Variants in SFMBT2 observed in about 807,000 individuals in gnomAD.
SFMBT2 encodes Scm like with four mbt domains 2, also known as scm-like with four MBT domains protein 2.
SFMBT2 carries 38 observed loss-of-function variants against 110.1 expected under a neutral mutation model. The ratio of observed to expected loss-of-function variants is 0.35; its 90% CI spans 0.27 to 0.45. The LOEUF (loss-of-function observed/expected upper bound fraction) is 0.45. SFMBT2 is among the 20% of genes least tolerant of loss of function. The probability of loss-of-function intolerance (pLI) is 1.00; values close to 1 mark genes in which losing one functional copy is unlikely to be tolerated. For synonymous variants in SFMBT2, 425 were observed against 425.4 expected, an observed-to-expected ratio of 1.00 and a Z score of 0.01; for missense variants, 1,011 against 1,094.9, an observed-to-expected ratio of 0.92 and a Z score of 1.08.
intron 7 of SFMBT2, among the ~76,000 whole-genome samples, chr10:7,252,955 G>A (rs185141756): frequency 1.3e-5 from 2 of 152,302 alleles, no homozygotes; most frequent in Non-Finnish European, 2.9e-5. Context: ...CACCCACTAG[G>A]GAGGGGAGAA....
intron 16 of SFMBT2, among the ~76,000 whole-genome samples, chr10:7,180,511 G>A (rs1588772141): frequency 6.6e-6 from 1 of 152,102 alleles, no homozygotes; most frequent in African/African-American, 2.4e-5. Flanking sequence ...GACTGACTGT[G>A]GAGGAGGTAA....
chr10:7,186,251 A>T (rs1393206626), intron 16 of SFMBT2, among the ~76,000 whole-genome samples: 1 of 151,996 alleles, frequency 6.6e-6, no homozygotes, highest in African/African-American at 2.4e-5. Flanking sequence ...CAGAAATCCT[A>T]GATGCCAAAT....
At chr10:7,287,859 T>C (rs1208152309) in intron 4 of SFMBT2, among the ~76,000 whole-genome samples, 1 of 152,170 alleles carries the variant, frequency 6.6e-6, no homozygotes, top group African/African-American at 2.4e-5. Context: ...TGACTTTGAA[T>C]AATTTACTCA....
At chr10:7,257,123 G>GAGGGGAGGGGAGGGGAGGGAAAAGA (rs1288833965) in intron 7 of SFMBT2, among the ~76,000 whole-genome samples, 5 of 129,232 alleles carry the variant, frequency 3.9e-5, no homozygotes, top group Non-Finnish European at 8.8e-5. Flanking sequence ...GAGGGGAGGG[G>GAGGGGAGGGGAGGGGAGGGAAAAGA]AAAGAAAAGA....
At chr10:7,273,667 C>T (rs945326700) in intron 7 of SFMBT2, among the ~76,000 whole-genome samples, 6 of 152,152 alleles carry the variant, frequency 3.9e-5, no homozygotes, top group African/African-American at 1.4e-4. Context: ...AACCCTGTGT[C>T]CAAGTGTTCT....
chr10:7,385,477 G>T (rs2255160), intron 1 of SFMBT2, among the ~76,000 whole-genome samples: 143,908 of 152,266 alleles, frequency 0.95, 68,088 homozygotes, highest in East Asian at 1. Context: ...ACTGAAACAC[G>T]TGGAGCAAAC....
chr10:7,392,783 C>T (rs1845804265), intron 1 of SFMBT2, among the ~76,000 whole-genome samples: 1 of 151,434 alleles, frequency 6.6e-6, no homozygotes, highest in Non-Finnish European at 1.5e-5. Context: ...AAAGGTCTTC[C>T]CCTACCCTAA....
intron 16 of SFMBT2, among the ~76,000 whole-genome samples, chr10:7,178,421 T>C (rs1416241746): frequency 6.6e-6 from 1 of 152,226 alleles, no homozygotes; most frequent in African/African-American, 2.4e-5. Context: ...ACTGATTTTA[T>C]ATATGGGAAT....
intron 9 of SFMBT2, among the ~76,000 whole-genome samples, chr10:7,228,672 C>CTTCTTTCTTTCTTTCT (rs60421208): frequency 5.9e-5 from 5 of 84,996 alleles, no homozygotes; most frequent in Admixed American, 1.3e-4. Context: ...ACTAAAGTGG[C>CTTCTTTCTTTCTTTCT]TTCTTTCTTT....
intron 4 of SFMBT2, chr10:7,320,597 A>G: frequency 4.1e-6 from 4 of 985,308 alleles, no homozygotes; most frequent in Non-Finnish European, 3.6e-6. Flanking sequence ...ACCTGCTGAG[A>G]GCCAATATAT....
intron 7 of SFMBT2, among the ~76,000 whole-genome samples, chr10:7,273,371 T>A (rs1841662566): frequency 6.6e-6 from 1 of 152,234 alleles, no homozygotes; most frequent in Non-Finnish European, 1.5e-5. Flanking sequence ...GATGAGAACA[T>A]TCATTCCACT....
intron 9 of SFMBT2, among the ~76,000 whole-genome samples, chr10:7,230,017 CTATA>C (rs57822891): frequency 0.017 from 2,555 of 148,506 alleles, 67 homozygotes; most frequent in African/African-American, 0.06. Context: ...CCGCCCAGCC[CTATA>C]TATATATATA....
At chr10:7,327,260 G>T (rs2131949802) in intron 4 of SFMBT2, among the ~76,000 whole-genome samples, 1 of 151,810 alleles carries the variant, frequency 6.6e-6, no homozygotes, top group East Asian at 1.9e-4. Context: ...TAGGTATATA[G>T]TTTTATGAAT....
chr10:7,372,859 C>A (rs1043458452), intron 2 of SFMBT2, among the ~76,000 whole-genome samples: 2 of 152,194 alleles, frequency 1.3e-5, no homozygotes, highest in African/African-American at 2.4e-5. Flanking sequence ...CCTTGTCTGG[C>A]CTCAGCTTGA....
chr10:7,163,151 C>CAAACG lies in SFMBT2; in HGVS notation c.*618_*619insCGTTT, dbSNP rs1837595476. The CAAACG allele has an allele frequency of 9.5e-6, 1 of 105,696 alleles. No homozygotes were observed. Among genetic ancestry groups the CAAACG allele is most frequent in the Non-Finnish European group, 2.2e-5 (1 of 45,326 alleles). The allele number at this position is 105,696 out of a possible 1,614,324, so 6.5% of individuals were successfully genotyped here. On this transcript the variant is annotated 3_prime_UTR_variant, in exon 21 of 21. Coordinates refer to ENST00000397167, the MANE Select transcript of SFMBT2 (RefSeq NM_001387889.1). The surrounding 1 kb of genome is among the most constrained non-coding windows in gnomAD (Gnocchi z 4.8). ...CAAACAAACAAACAAACAAACAAAC[C>CAAACG]ATCTAGTTGCATGGAGATGCCTGCC...
At chr10:7,387,376 T>A in intron 1 of SFMBT2, among the ~76,000 whole-genome samples, 1 of 152,248 alleles carries the variant, frequency 6.6e-6, no homozygotes, top group Middle Eastern at 3.4e-3. Flanking sequence ...AGACACCACG[T>A]TGGGCACTGG....
chr10:7,288,749 G>A (rs546676348), intron 4 of SFMBT2, among the ~76,000 whole-genome samples: 25 of 152,160 alleles, frequency 1.6e-4, no homozygotes, highest in African/African-American at 4.6e-4. Context: ...TAGAAACAGC[G>A]GCCAGGTGCG....
intron 1 of SFMBT2, among the ~76,000 whole-genome samples, chr10:7,391,594 T>C (rs1845768313): frequency 1.3e-5 from 2 of 152,232 alleles, no homozygotes; most frequent in South Asian, 4.1e-4. Context: ...TTGCAAACGA[T>C]GTGTCCCACT....
intron 9 of SFMBT2, 122 bp downstream of exon 9, chr10:7,243,436 T>C: frequency 1.4e-6 from 1 of 693,596 alleles, no homozygotes; most frequent in South Asian, 1.9e-5. Flanking sequence ...GAACGCCCTA[T>C]TTCTACTACA....
Sources: gnomAD v4.1 joint callset for allele counts (sites outside exome capture counted in the v4.1 genomes callset) on GRCh38, gnomAD v4.1.1 for gene constraint, Gnocchi (gnomAD v3.1) non-coding constraint, MANE v1.5 for transcripts, NCBI Gene and HGNC (gene_info 2026-07-23, HGNC 2026-07-21) for gene names.